Variants in PWWP4 observed in about 807,000 individuals in gnomAD.
The protein encoded by PWWP4 is putative PWWP domain-containing DNA repair factor 4.
At chrX:153,276,026 G>T (rs1260657910) in exon 1 of PWWP4, among the ~76,000 whole-genome samples, 1 of 95,304 alleles carries the variant, frequency 1.0e-5, no homozygotes, top group Non-Finnish European at 2.1e-5. Context: ...GGCCCTCTGC[G>T]CGGTGACAGC....
upstream of PWWP4, among the ~76,000 whole-genome samples, chrX:153,268,454 CATCT>C (rs1463163225): frequency 7.2e-4 from 38 of 52,902 alleles, no homozygotes; most frequent in African/African-American, 2.9e-3. Flanking sequence ...TGTATGCATC[CATCT>C]ATCTATCTGT....
chrX:153,276,138 T>G (rs2051826806), exon 1 of PWWP4, among the ~76,000 whole-genome samples: 1 of 102,307 alleles, frequency 9.8e-6, no homozygotes, highest in Non-Finnish European at 2.0e-5. Context: ...TCACCCTGTG[T>G]GGTGACAGCT....
At chrX:153,270,199 T>TCTCTCA (rs1556952259), upstream of PWWP4, among the ~76,000 whole-genome samples, 1 of 66,087 alleles carries the variant, frequency 1.5e-5, no homozygotes, top group African/African-American at 5.8e-5. Flanking sequence ...TCTCTCTCTC[T>TCTCTCA]CACACACACA....
At chrX:153,270,176 T>TTCTCTCTC (rs1184739253), upstream of PWWP4, among the ~76,000 whole-genome samples, 1 of 102,608 alleles carries the variant, frequency 9.7e-6, no homozygotes, top group African/African-American at 3.8e-5. Flanking sequence ...CACATTTCAT[T>TTCTCTCTC]TCTCTCTCTC....
chrX:153,272,930 A>G (rs1223556373), exon 1 of PWWP4, among the ~76,000 whole-genome samples: 2 of 85,560 alleles, frequency 2.3e-5, no homozygotes, highest in African/African-American at 4.4e-5. Context: ...GGCGCCCTTC[A>G]CAGGGACAGG....
exon 1 of PWWP4, among the ~76,000 whole-genome samples, chrX:153,276,410 ATGTTTG>A (rs2051828293): frequency 1.2e-5 from 1 of 81,508 alleles, no homozygotes. Flanking sequence ...CTTTCGCGGC[ATGTTTG>A]TGAGAAAAAG....
chrX:153,273,161 C>T (rs1481153704), exon 1 of PWWP4, among the ~76,000 whole-genome samples: 4 of 98,037 alleles, frequency 4.1e-5, no homozygotes, highest in South Asian at 5.1e-4. Flanking sequence ...AACAGGTCAG[C>T]GGCACGCACG....
upstream of PWWP4, among the ~76,000 whole-genome samples, chrX:153,271,227 G>GT (rs1176407971): frequency 2.6e-5 from 3 of 114,049 alleles, no homozygotes; most frequent in African/African-American, 9.5e-5. Context: ...GGTTTGCTGT[G>GT]TAATAAAGCT....
chrX:153,270,197 T>A (rs1350940276), upstream of PWWP4, among the ~76,000 whole-genome samples: 18 of 101,499 alleles, frequency 1.8e-4, 1 homozygote, highest in East Asian at 8.4e-4. Context: ...TCTCTCTCTC[T>A]CTCACACACA....
chrX:153,275,919 C>T (rs2051825796), exon 1 of PWWP4, among the ~76,000 whole-genome samples: 1 of 84,542 alleles, frequency 1.2e-5, no homozygotes, highest in African/African-American at 5.1e-5. Flanking sequence ...GCGCCCTGCA[C>T]TGTGACAGCT....
chrX:153,276,198 C>G (rs1309136550), exon 1 of PWWP4, among the ~76,000 whole-genome samples: 1 of 100,116 alleles, frequency 1.0e-5, no homozygotes, highest in Non-Finnish European at 2.0e-5. Context: ...TGCACAGTGA[C>G]AGGTCACAGA....
chrX:153,271,138 T>TG (rs1202553357), upstream of PWWP4, among the ~76,000 whole-genome samples: 1 of 114,434 alleles, frequency 8.7e-6, no homozygotes, highest in Non-Finnish European at 1.9e-5. Context: ...GTAAGAAACG[T>TG]GGGGTCCCTG....
At chrX:153,270,077 C>G (rs1426757319), upstream of PWWP4, among the ~76,000 whole-genome samples, 4 of 108,753 alleles carry the variant, frequency 3.7e-5, no homozygotes, top group Non-Finnish European at 5.7e-5. Flanking sequence ...TCTATGCTAA[C>G]CCATTTCATG....
the PWWP4 span, among the ~76,000 whole-genome samples, chrX:153,266,322 G>A: frequency 3.0e-5 from 3 of 101,580 alleles, no homozygotes; most frequent in Non-Finnish European, 5.9e-5. Flanking sequence ...TGTGTGTGAC[G>A]GTGTGTGCGT....
upstream of PWWP4, among the ~76,000 whole-genome samples, chrX:153,269,195 GGAGA>G (rs1435117728): frequency 2.0e-5 from 1 of 49,707 alleles, no homozygotes; most frequent in African/African-American, 8.7e-5. Context: ...GTGTGTGTGT[GGAGA>G]GAGAGAGAGA....
chrX:153,270,231 A>G (rs1164763713), upstream of PWWP4, among the ~76,000 whole-genome samples: 1 of 105,210 alleles, frequency 9.5e-6, no homozygotes, highest in South Asian at 3.8e-4. Context: ...AGAGAGAGAG[A>G]GGAGAGAGAG....
At chrX:153,266,473 ATGTGTGTGTGAGGATG>A in the PWWP4 span, among the ~76,000 whole-genome samples, 578 of 56,697 alleles carry the variant, frequency 0.01, 23 homozygotes, top group African/African-American at 0.039. Flanking sequence ...GTATGTGAGG[ATGTGTGTGTGAGGATG>A]TGTGTGTGTG....
At chrX:153,270,134 T>C (rs1272808110), upstream of PWWP4, among the ~76,000 whole-genome samples, 1 of 108,395 alleles carries the variant, frequency 9.2e-6, no homozygotes, top group Non-Finnish European at 1.9e-5. Context: ...GACTCACCTG[T>C]CATGTTTCCT....
chrX:153,269,858 C>T (rs1184729946), upstream of PWWP4, among the ~76,000 whole-genome samples: 4 of 112,455 alleles, frequency 3.6e-5, no homozygotes, highest in Admixed American at 9.7e-5. Context: ...ACTGTACAGA[C>T]GTTCACACAA....
Sources: gnomAD v4.1 joint callset for allele counts (sites outside exome capture counted in the v4.1 genomes callset) on GRCh38, gnomAD v4.1.1 for gene constraint, MANE v1.5 for transcripts, NCBI Gene and HGNC (gene_info 2026-07-23, HGNC 2026-07-21) for gene names.